CADPS2: variants seen among roughly 807,000 people sequenced by gnomAD.
The protein encoded by CADPS2 is calcium-dependent secretion activator 2.
A neutral mutation model predicts 172.5 loss-of-function variants in CADPS2; 93 were observed. That is an observed-to-expected ratio of 0.54 (90% CI 0.46 to 0.64). The LOEUF is 0.64. CADPS2 is among the 30% of genes least tolerant of loss of function. The pLI is 0.00. For missense variants in CADPS2, 1,420 were observed against 1,565.9 expected (o/e 0.91, Z 1.57); for synonymous variants, 546 against 555.2 (o/e 0.98, Z 0.23).
intron 1 of CADPS2, among the ~76,000 whole-genome samples, chr7:122,841,367 A>C (rs1372297350): frequency 1.3e-5 from 2 of 152,304 alleles, no homozygotes; most frequent in South Asian, 2.1e-4. Context: ...GCCCCAGAAA[A>C]AAAACTAATT....
intron 5 of CADPS2, among the ~76,000 whole-genome samples, chr7:122,616,572 T>A (rs1490836312): frequency 6.6e-6 from 1 of 152,152 alleles, no homozygotes; most frequent in Non-Finnish European, 1.5e-5. Flanking sequence ...AGAACAAGTT[T>A]TCTTCCTCAT....
chr7:122,713,839 T>C (rs17682540), intron 2 of CADPS2, among the ~76,000 whole-genome samples: 4,573 of 152,144 alleles, frequency 0.03, 97 homozygotes, highest in Non-Finnish European at 0.042. Flanking sequence ...AGTTATAATG[T>C]ACAGGCCAAC....
intron 2 of CADPS2, among the ~76,000 whole-genome samples, chr7:122,731,474 A>G (rs2137530454): frequency 6.6e-6 from 1 of 151,924 alleles, no homozygotes; most frequent in Non-Finnish European, 1.5e-5. Flanking sequence ...TCTGAGGGGA[A>G]GAATAGCTTG....
At chr7:122,637,171 C>CTTTTTTTTTTTTTTTTT (rs71161313) in intron 3 of CADPS2, among the ~76,000 whole-genome samples, 1 of 53,900 alleles carries the variant, frequency 1.9e-5, no homozygotes, top group Non-Finnish European at 3.7e-5. Context: ...TGAAATTTTG[C>CTTTTTTTTTTTTTTTTT]TTTTTTTTTT....
In CADPS2 at chr7:122,881,421, A is replaced by G. The variant is rs942395093; in HGVS notation, c.339+4578T>C. ...TGTGGAAGGTTAAAAGAATCAGCTG[A>G]AGCAACAAGCAATTTTCCCTGAGAT... On this transcript the variant is annotated intron_variant, in intron 1 of 29. Transcript: ENST00000449022. 3.3e-5 allele frequency among the ~76,000 whole-genome samples: 5 copies of G among 152,184 alleles called. No individual in the cohort carries two copies. The South Asian group carries it at 1.0e-3, about 31-fold the overall frequency.
Position 122,779,179 on chromosome 7 carries a change from A to C in CADPS2, c.340-42111T>G, listed in dbSNP as rs145212120. Among the ~76,000 whole-genome samples the C allele has an allele frequency of 5.3e-5, 8 of 152,262 alleles. No homozygotes were observed. In the East Asian group the frequency reaches 1.4e-3, roughly 26 times the overall value. ...ACCTATTTTTTTTTATAAATTATCC[A>C]GTCTTGGGTATTTCCTCTTAGCAGT... On this transcript the variant is annotated intron_variant, in intron 1 of 29. Coordinates refer to ENST00000449022, the MANE Select transcript of CADPS2 (RefSeq NM_017954.11).
chr7:122,403,925 C>T (rs1003783533), intron 20 of CADPS2, among the ~76,000 whole-genome samples: 7 of 152,054 alleles, frequency 4.6e-5, no homozygotes, highest in Non-Finnish European at 1.0e-4. Flanking sequence ...AAATAAATTA[C>T]AATATTTTGA....
intron 2 of CADPS2, among the ~76,000 whole-genome samples, chr7:122,722,377 A>T (rs2090525970): frequency 6.6e-6 from 1 of 151,456 alleles, no homozygotes; most frequent in African/African-American, 2.4e-5. Context: ...CAAAAATCAC[A>T]AGCATTCTTC....
At chr7:122,705,473 A>C (rs1051805686) in intron 2 of CADPS2, among the ~76,000 whole-genome samples, 8 of 132,632 alleles carry the variant, frequency 6.0e-5, no homozygotes, top group South Asian at 2.2e-4. Flanking sequence ...TATATATTAT[A>C]TATATTTATA....
intron 8 of CADPS2, among the ~76,000 whole-genome samples, chr7:122,534,645 CAGAT>C (rs1250642209): frequency 2.6e-5 from 4 of 151,954 alleles, no homozygotes; most frequent in African/African-American, 7.2e-5. Context: ...GGCCAGGCCT[CAGAT>C]AGCCACAGAA....
intron 9 of CADPS2, among the ~76,000 whole-genome samples, chr7:122,510,819 T>C (rs1481647595): frequency 2.0e-5 from 3 of 152,172 alleles, no homozygotes; most frequent in Non-Finnish European, 4.4e-5. Context: ...GTAATTCTCA[T>C]TGAATCTCCA....
chr7:122,702,785 A>G (rs772356820), intron 2 of CADPS2: 2 of 1,453,896 alleles, frequency 1.4e-6, no homozygotes, highest in Non-Finnish European at 1.9e-6. Flanking sequence ...AAACATGAGA[A>G]AACAAAACAA....
At chr7:122,482,858 C>T (rs1237398188) in intron 11 of CADPS2, among the ~76,000 whole-genome samples, 1 of 152,108 alleles carries the variant, frequency 6.6e-6, no homozygotes, top group Non-Finnish European at 1.5e-5. Flanking sequence ...TACAGAAGGC[C>T]TCCCCCAAGA....
intron 20 of CADPS2, among the ~76,000 whole-genome samples, chr7:122,397,310 T>A (rs1671011012): frequency 6.6e-6 from 1 of 152,104 alleles, no homozygotes; most frequent in Admixed American, 6.6e-5. Flanking sequence ...CAAAGAGTTA[T>A]TTTTTATTTG....
chr7:122,709,858 G>T (rs2088385973), intron 2 of CADPS2, among the ~76,000 whole-genome samples: 1 of 151,826 alleles, frequency 6.6e-6, no homozygotes, highest in South Asian at 2.1e-4. Context: ...ATTGAACAAT[G>T]AGAACACATG....
At chr7:122,392,442 G>A (rs2044498894) in intron 22 of CADPS2, among the ~76,000 whole-genome samples, 1 of 150,828 alleles carries the variant, frequency 6.6e-6, no homozygotes, top group African/African-American at 2.4e-5. Context: ...TGTCATAATT[G>A]TTTTAGAGTT....
intron 1 of CADPS2, among the ~76,000 whole-genome samples, chr7:122,819,384 G>T (rs563241525): frequency 1.3e-5 from 2 of 152,136 alleles, no homozygotes; most frequent in Non-Finnish European, 2.9e-5. Context: ...TCGGCTTAGC[G>T]GCTGAAGACT....
chr7:122,435,553 C>G (rs2050524274), intron 17 of CADPS2, among the ~76,000 whole-genome samples: 2 of 152,060 alleles, frequency 1.3e-5, no homozygotes, highest in South Asian at 4.1e-4. Flanking sequence ...GAAAAAAGAA[C>G]TCTTGTATAC....
At chr7:122,668,470 T>TA (rs551174563) in intron 2 of CADPS2, among the ~76,000 whole-genome samples, 5 of 151,774 alleles carry the variant, frequency 3.3e-5, no homozygotes, top group African/African-American at 9.7e-5. Context: ...GCCTACATTT[T>TA]AAAATTTGGC....
Sources: allele counts gnomAD v4.1 joint callset (sites outside exome capture counted in the v4.1 genomes callset), GRCh38; gene constraint gnomAD v4.1.1; transcripts MANE v1.5; gene names NCBI Gene and HGNC (gene_info 2026-07-23, HGNC 2026-07-21).